The following TSPAN14 variants were observed in gnomAD, a reference collection of about 807,000 sequenced individuals.
The protein encoded by TSPAN14 is tetraspanin-14.
Under a neutral mutation model 36.6 loss-of-function variants are expected in TSPAN14, and 16 were observed. The observed-to-expected ratio is 0.44, with a 90% CI of 0.30 to 0.66. The LOEUF (loss-of-function observed/expected upper bound fraction) is 0.66. Ranked by LOEUF, TSPAN14 falls within the 30% of genes least tolerant of loss-of-function variation. The pLI is 0.12. For synonymous variants in TSPAN14, 139 were observed against 143.8 expected, an observed-to-expected ratio of 0.97 and a Z score of 0.24; for missense variants, 231 against 355.1, an observed-to-expected ratio of 0.65 and a Z score of 2.81.
At position 80,507,335 on chromosome 10, in the gene TSPAN14, C is replaced by T. The variant is rs1046177887; in HGVS notation, c.240C>T (p.Cys80=). The T allele has an allele frequency of 1.3e-5, 21 of 1,614,054 alleles. No individual in the cohort carries two copies. The East Asian group carries it at 1.3e-4, about 10-fold the overall frequency. The stretch of plus-strand genomic sequence containing the variant: ...TGTTCACCCTGGGGTTCGCCGGCTG[C>T]GTGGGGGCTCTGCGGGAGAATATCT... The change falls in exon 4 of 9, where the codon TGC becomes TGT. Residue 80 remains cysteine (C), a synonymous_variant. Transcript: ENST00000429989.
At chr10:80,470,661 G>A (rs1311292691) in intron 1 of TSPAN14, among the ~76,000 whole-genome samples, 1 of 152,206 alleles carries the variant, frequency 6.6e-6, no homozygotes, top group Non-Finnish European at 1.5e-5. Context: ...GCCTACTGGA[G>A]CAGCTCCTGT....
At chr10:80,484,447 C>T (rs972491309) in intron 1 of TSPAN14, among the ~76,000 whole-genome samples, 5 of 152,064 alleles carry the variant, frequency 3.3e-5, no homozygotes, top group African/African-American at 1.2e-4. Context: ...GCCTCAGCCT[C>T]CCACGTAGCT....
rs771420375 is a variant in TSPAN14 at position 80,514,094 on chromosome 10, G to A, written c.621+31G>A. ...AACTCCCATGTATACAACTTGAAGAGTTCTTTAGGTTTTATTCCCTGTGGT... is the reference window on the plus strand; with the variant it reads ...AACTCCCATGTATACAACTTGAAGAATTCTTTAGGTTTTATTCCCTGTGGT... On this transcript the variant is annotated intron_variant, in intron 7 of 8. Transcript: ENST00000429989. The A allele has an allele frequency of 3.1e-6, 5 of 1,590,568 alleles. No homozygotes were observed. The Admixed American group carries it at 6.7e-5, about 21-fold the overall frequency.
chr10:80,504,630 C>T, intron 2 of TSPAN14, 98 bp from the exon 3 acceptor site: 1 of 1,426,438 alleles, frequency 7.0e-7, no homozygotes, highest in Non-Finnish European at 9.9e-7. Flanking sequence ...GAGCTAGGAG[C>T]ATGCCCTACC....
At chr10:80,490,500 A>G (rs1306786664) in intron 2 of TSPAN14, among the ~76,000 whole-genome samples, 3 of 152,216 alleles carry the variant, frequency 2.0e-5, no homozygotes, top group Non-Finnish European at 4.4e-5. Flanking sequence ...AAGCCTTTAA[A>G]GTAGAAAGGC....
At position 80,503,682 on chromosome 10, in the gene TSPAN14, G is replaced by A. The variant is rs767018225; in HGVS notation, c.82-1046G>A. 6.6e-5 allele frequency among the ~76,000 whole-genome samples: 10 copies of A among 152,230 alleles called. No homozygotes were observed. In the South Asian group the frequency reaches 1.5e-3, roughly 22 times the overall value. ...AGGTTGGATCACAGATCACTTTCAG[G>A]TTGGATGAGACTTCCTGGGGCTTTC... On this transcript the variant is annotated intron_variant, in intron 2 of 8. Transcript: ENST00000429989.
chr10:80,478,334 A>G (rs1402492695), intron 1 of TSPAN14, among the ~76,000 whole-genome samples: 3 of 152,202 alleles, frequency 2.0e-5, no homozygotes, highest in African/African-American at 4.8e-5. Context: ...GGAGATGAAT[A>G]ATAAATAAGG....
intron 1 of TSPAN14, among the ~76,000 whole-genome samples, chr10:80,473,141 G>A (rs1038789096): frequency 3.9e-5 from 6 of 152,262 alleles, no homozygotes; most frequent in South Asian, 2.1e-4. Context: ...AATAAAAATA[G>A]TAAGCTTGGA....
chr10:80,507,877 A>G (rs997883059), intron 4 of TSPAN14, among the ~76,000 whole-genome samples: 1 of 152,202 alleles, frequency 6.6e-6, no homozygotes, highest in Non-Finnish European at 1.5e-5. Context: ...ATTCAGTTAA[A>G]TAACACCTGG....
In TSPAN14 at chr10:80,454,814, C is replaced by T. The variant is rs542631910; in HGVS notation, c.-18+443C>T. ...ATGGGCCACCCTTTCGGCTCAGTCA[C>T]CCACCCTCGGCTCCCAGGAGATCGG... On this transcript the variant is annotated intron_variant, in intron 1 of 8. Transcript: ENST00000429989. 1.6e-4 allele frequency among the ~76,000 whole-genome samples: 25 copies of T among 152,256 alleles called. 1 individual carries two copies. The East Asian group carries it at 4.9e-3, about 30-fold the overall frequency.
At chr10:80,454,983 C>T (rs1335051272) in intron 1 of TSPAN14, among the ~76,000 whole-genome samples, 2 of 152,198 alleles carry the variant, frequency 1.3e-5, no homozygotes, top group East Asian at 3.9e-4. Context: ...TAGGCGGTGA[C>T]CCAGCTTCTC....
chr10:80,512,187 A>G (rs777291942), exon 6 of TSPAN14: 3 of 1,614,184 alleles, frequency 1.9e-6, no homozygotes, highest in Admixed American at 1.7e-5. Flanking sequence ...TGGGACCTCA[A>G]CGTCTACTTC....
At chr10:80,471,231 T>C in intron 1 of TSPAN14, among the ~76,000 whole-genome samples, 1 of 152,108 alleles carries the variant, frequency 6.6e-6, no homozygotes, top group Non-Finnish European at 1.5e-5. Flanking sequence ...GCCCTGAACA[T>C]GTAGAAACAA....
At position 80,479,259 on chromosome 10, in the gene TSPAN14, G is replaced by C. The variant is rs1299639774; in HGVS notation, c.-17-9958G>C. Among the ~76,000 whole-genome samples the C allele has an allele frequency of 2.7e-5, 4 of 150,508 alleles. No homozygotes were observed. In the East Asian group the frequency reaches 7.7e-4, roughly 29 times the overall value. ...TTGTAGGTTGCCTGTTCACTCTGAT[G>C]GTAGTTTCTTTTGCTGTGCAGAAGC... is the stretch of plus-strand genomic sequence containing the variant. On this transcript the variant is annotated intron_variant, in intron 1 of 8. Coordinates refer to ENST00000429989, the Ensembl canonical transcript of TSPAN14.
intron 8 of TSPAN14, among the ~76,000 whole-genome samples, chr10:80,517,596 C>T (rs1056868212): frequency 6.6e-6 from 1 of 152,264 alleles, no homozygotes; most frequent in South Asian, 2.1e-4. Context: ...ACAGGCGTGT[C>T]CTGCCCCATG....
At chr10:80,513,327 C>T (rs1275750367) in intron 6 of TSPAN14, among the ~76,000 whole-genome samples, 1 of 151,966 alleles carries the variant, frequency 6.6e-6, no homozygotes, top group Admixed American at 6.5e-5. Context: ...TAGAACTGGG[C>T]CAGTTGCCAG....
chr10:80,495,022 A>G (rs1282918568), intron 2 of TSPAN14, among the ~76,000 whole-genome samples: 1 of 152,190 alleles, frequency 6.6e-6, no homozygotes, highest in Non-Finnish European at 1.5e-5. Flanking sequence ...GCTAATATAG[A>G]ACATCTACTA....
intron 2 of TSPAN14, among the ~76,000 whole-genome samples, chr10:80,493,282 T>C (rs1483485709): frequency 1.3e-5 from 2 of 152,202 alleles, no homozygotes; most frequent in South Asian, 2.1e-4. Flanking sequence ...TGTGGAGAAA[T>C]TGAAACCTTT....
exon 9 of TSPAN14, chr10:80,520,645 T>C: frequency 1.9e-6 from 1 of 533,470 alleles, no homozygotes; most frequent in Non-Finnish European, 3.8e-6. Context: ...CGTCTTCCTA[T>C]CGCTGGCCTT....
Sources: gnomAD v4.1 joint callset for allele counts (sites outside exome capture counted in the v4.1 genomes callset) on GRCh38, gnomAD v4.1.1 for gene constraint, MANE v1.5 for transcripts, NCBI Gene and HGNC (gene_info 2026-07-23, HGNC 2026-07-21) for gene names.